The following KIAA1328 variants were observed in gnomAD, a reference collection of about 807,000 sequenced individuals.
The protein encoded by KIAA1328 is protein hinderin.
A neutral mutation model predicts 68.1 loss-of-function variants in KIAA1328; 52 were observed. That is an observed-to-expected ratio of 0.76 (90% confidence interval 0.61 to 0.96). The LOEUF (loss-of-function observed/expected upper bound fraction) is 0.96, where lower values mean the gene tolerates loss of function less well. KIAA1328 is among the 40% of genes least tolerant of loss of function. The pLI is 0.00. For missense variants in KIAA1328, 641 were observed against 677.6 expected (o/e 0.95, Z 0.60); for synonymous variants, 232 against 239.4 (o/e 0.97, Z 0.28).
chr18:37,070,770 G>A (rs1187885020), intron 7 of KIAA1328, among the ~76,000 whole-genome samples: 1 of 151,834 alleles, frequency 6.6e-6, no homozygotes, highest in Non-Finnish European at 1.5e-5. Context: ...TAGAGATGGG[G>A]TTTTACCATG....
intron 4 of KIAA1328, among the ~76,000 whole-genome samples, chr18:36,854,799 A>G (rs998585892): frequency 6.6e-6 from 1 of 151,984 alleles, no homozygotes; most frequent in African/African-American, 2.4e-5. Context: ...AAATCTTCAC[A>G]CTCATTTAAT....
At chr18:36,975,037 TGCTGAGATAAA>T (rs1415421430) in intron 6 of KIAA1328, among the ~76,000 whole-genome samples, 1 of 152,170 alleles carries the variant, frequency 6.6e-6, no homozygotes, top group African/African-American at 2.4e-5. Flanking sequence ...AGTATCACCA[TGCTGAGATAAA>T]AAGTCTTGAG....
At chr18:36,939,955 A>G (rs1357788344) in intron 5 of KIAA1328, among the ~76,000 whole-genome samples, 1 of 152,112 alleles carries the variant, frequency 6.6e-6, no homozygotes, top group East Asian at 1.9e-4. Context: ...TAACATTTAG[A>G]CATATTTAGT....
intron 1 of KIAA1328, 128 bp downstream of exon 1, chr18:36,829,324 TC>T: frequency 7.1e-7 from 1 of 1,400,278 alleles, no homozygotes; most frequent in Non-Finnish European, 9.2e-7. Context: ...GACGTGCTGC[TC>T]GGCCCCAGTC....
intron 5 of KIAA1328, among the ~76,000 whole-genome samples, chr18:36,948,209 C>T (rs1245554001): frequency 3.4e-5 from 5 of 148,938 alleles, no homozygotes; most frequent in African/African-American, 1.2e-4. Flanking sequence ...CAAATCTCTT[C>T]TGTTTGAAGA....
intron 9 of KIAA1328, among the ~76,000 whole-genome samples, chr18:37,197,133 GT>G (rs922670804): frequency 1.5e-4 from 23 of 151,894 alleles, no homozygotes; most frequent in African/African-American, 4.3e-4. Flanking sequence ...TGTCTGTTTG[GT>G]TTTTTCCCCC....
intron 7 of KIAA1328, among the ~76,000 whole-genome samples, chr18:37,089,190 G>T (rs1485121525): frequency 6.6e-6 from 1 of 151,976 alleles, no homozygotes; most frequent in African/African-American, 2.4e-5. Flanking sequence ...TTGAGGTAGG[G>T]AGGATAGGTC....
chr18:36,884,512 G>C (rs1244283367), intron 4 of KIAA1328, among the ~76,000 whole-genome samples: 1 of 152,146 alleles, frequency 6.6e-6, no homozygotes, highest in Non-Finnish European at 1.5e-5. Flanking sequence ...CTAATTTTCA[G>C]TTATCCTGTT....
chr18:36,877,177 A>G lies in KIAA1328; in HGVS notation c.333-8380A>G, dbSNP rs148973445. On this transcript the variant is annotated intron_variant, in intron 4 of 9. Transcript: ENST00000280020. The stretch of plus-strand genomic sequence containing the variant: ...GTTGATTTGGGGTGGAGAGTTCTGT[A>G]GATGTCTATTAGGTCTGCTTGGTCC... 5.9e-3 allele frequency among the ~76,000 whole-genome samples: 891 copies of G among 152,278 alleles called. 10 individuals carry two copies. The highest frequency in any genetic ancestry group is 0.02 in the African/African-American group (827 of 41,548).
At chr18:37,207,927 A>C (rs2060246123) in intron 9 of KIAA1328, among the ~76,000 whole-genome samples, 1 of 152,160 alleles carries the variant, frequency 6.6e-6, no homozygotes, top group Non-Finnish European at 1.5e-5. Context: ...CTCCTGCCTC[A>C]GTCTCCCGAG....
At chr18:36,874,323 G>GT (rs1387053813) in intron 4 of KIAA1328, among the ~76,000 whole-genome samples, 2 of 152,216 alleles carry the variant, frequency 1.3e-5, no homozygotes, top group African/African-American at 4.8e-5. Flanking sequence ...AAGTGTTCCT[G>GT]TTTCTCCACA....
intron 9 of KIAA1328, among the ~76,000 whole-genome samples, chr18:37,215,574 A>G (rs1202588260): frequency 6.6e-6 from 1 of 152,212 alleles, no homozygotes; most frequent in East Asian, 1.9e-4. Flanking sequence ...AGATTTTTGC[A>G]TCGATGTTCA....
chr18:37,115,326 T>G (rs571476763), intron 7 of KIAA1328, among the ~76,000 whole-genome samples: 55 of 151,582 alleles, frequency 3.6e-4, no homozygotes, highest in Admixed American at 2.3e-3. Context: ...ATGATCAAGT[T>G]GGCTTCATCC....
chr18:37,201,809 T>C (rs2060119791), intron 9 of KIAA1328, among the ~76,000 whole-genome samples: 1 of 152,172 alleles, frequency 6.6e-6, no homozygotes, highest in Non-Finnish European at 1.5e-5. Context: ...GAAAGTGGCA[T>C]TATTTACTTA....
intron 5 of KIAA1328, among the ~76,000 whole-genome samples, chr18:36,936,471 C>T (rs146840416): frequency 0.14 from 20,709 of 152,172 alleles, 1,755 homozygotes; most frequent in Admixed American, 0.18. Context: ...CTTTTTATGG[C>T]TGCATAGTAT....
At chr18:37,162,632 G>C (rs556262357) in intron 8 of KIAA1328, among the ~76,000 whole-genome samples, 1 of 152,264 alleles carries the variant, frequency 6.6e-6, no homozygotes, top group South Asian at 2.1e-4. Context: ...TGATGACCTA[G>C]CACTAATCAC....
At chr18:37,229,770 C>T (rs139153282), downstream of KIAA1328, 90 of 221,836 alleles carry the variant, frequency 4.1e-4, no homozygotes, top group East Asian at 0.011. Context: ...CCTGTAGTCC[C>T]GGCTACTCAG....
At chr18:37,031,573 C>G (rs1004054863) in intron 6 of KIAA1328, among the ~76,000 whole-genome samples, 16 of 152,066 alleles carry the variant, frequency 1.1e-4, no homozygotes, top group African/African-American at 3.6e-4. Context: ...TAAAGTAGGG[C>G]TTTCATAGAT....
At chr18:37,035,917 TC>T (rs1254934415) in intron 6 of KIAA1328, among the ~76,000 whole-genome samples, 2 of 152,204 alleles carry the variant, frequency 1.3e-5, no homozygotes, top group African/African-American at 4.8e-5. Flanking sequence ...TCTCCTTTCT[TC>T]TACTCCTCTC....
Sources: allele counts gnomAD v4.1 joint callset (sites outside exome capture counted in the v4.1 genomes callset), GRCh38; gene constraint gnomAD v4.1.1; transcripts MANE v1.5; gene names NCBI Gene and HGNC (gene_info 2026-07-23, HGNC 2026-07-21).